The following TTC7A variants were observed in gnomAD, a reference collection of about 807,000 sequenced individuals.
The protein encoded by TTC7A is tetratricopeptide repeat protein 7A.
TTC7A carries 110 observed loss-of-function variants against 103.7 expected under a neutral mutation model. The observed-to-expected ratio is 1.06, with a 90% CI of 0.91 to 1.24. TTC7A has a LOEUF of 1.24. Among genes scored for constraint, TTC7A ranks in the 50% most tolerant of loss-of-function variants. The pLI, the probability that TTC7A is intolerant of heterozygous loss-of-function variation, is 0.00. For missense variants in TTC7A, 1,340 were observed against 1,116.3 expected (o/e 1.20, Z -2.86); for synonymous variants, 521 against 467.9 (o/e 1.11, Z -1.47).
intron 19 of TTC7A, among the ~76,000 whole-genome samples, chr2:47,073,296 C>T (rs1416611405): frequency 1.3e-5 from 2 of 152,174 alleles, no homozygotes; most frequent in Non-Finnish European, 2.9e-5. Flanking sequence ...AGCTTTACAC[C>T]TCCTGACTCC....
In TTC7A at chr2:47,073,852, T is replaced by C. The variant is rs147009003; in HGVS notation, c.2506T>C (p.Phe836Leu). 1.2e-6 allele frequency: 2 copies of C among 1,613,622 alleles called. No individual in the cohort carries two copies. The highest frequency in any genetic ancestry group is 2.7e-5 in the African/African-American group (2 of 74,922). ...CCAGAACGAGGCTGCCGTTGACTGCTTCCTCACCGCCCTTGAGCTGGAGGC... is the reference window on the plus strand; with the variant it reads ...CCAGAACGAGGCTGCCGTTGACTGCCTCCTCACCGCCCTTGAGCTGGAGGC... Reference protein sequence around the residue: ...QGQNEAAVDCFLTALELEASS... With the variant: ...QGQNEAAVDCLLTALELEASS... The change falls in exon 20 of 20, where the codon TTC becomes CTC. Residue 836 changes from phenylalanine to leucine, a missense_variant. Transcript: ENST00000319190.
At chr2:46,979,701 G>T (rs1054287956) in intron 5 of TTC7A, among the ~76,000 whole-genome samples, 3 of 152,146 alleles carry the variant, frequency 2.0e-5, no homozygotes, top group African/African-American at 4.8e-5. Context: ...AGCAAGTGTC[G>T]CTTCATGGCT....
In TTC7A at chr2:46,950,119, T is replaced by A. The variant is rs577255345; in HGVS notation, c.185-244T>A. ...TCCCCGAGTCCTGGGAACTCTGTCT[T>A]CCCAACCATTAAACTACAGCAGAAA... On this transcript the variant is annotated intron_variant, in intron 1 of 19. Coordinates refer to ENST00000319190, the MANE Select transcript of TTC7A (RefSeq NM_020458.4). Among the ~76,000 whole-genome samples, 238 of 152,336 alleles carry A rather than the reference T, an allele frequency of 1.6e-3. 1 individual carries two copies. The highest frequency in any genetic ancestry group is 5.4e-3 in the African/African-American group (226 of 41,572).
At chr2:46,928,287 A>C (rs938954400) in intron 2 of TTC7A, among the ~76,000 whole-genome samples, 1 of 151,834 alleles carries the variant, frequency 6.6e-6, no homozygotes, top group Non-Finnish European at 1.5e-5. Context: ...TAGATCAGAA[A>C]TCTAGGCAGG....
chr2:47,063,187 C>T (rs967762829), intron 19 of TTC7A, among the ~76,000 whole-genome samples: 1 of 152,202 alleles, frequency 6.6e-6, no homozygotes, highest in Non-Finnish European at 1.5e-5. Context: ...ACTTGGGGGA[C>T]TTAGGAAAAG....
chr2:46,965,237 T>G (rs893252647), intron 3 of TTC7A, among the ~76,000 whole-genome samples: 2 of 152,224 alleles, frequency 1.3e-5, no homozygotes, highest in African/African-American at 4.8e-5. Flanking sequence ...GATTAAAACT[T>G]TTTAAAAAGA....
intron 5 of TTC7A, among the ~76,000 whole-genome samples, chr2:46,984,240 A>G (rs13011673): frequency 0.17 from 26,275 of 152,228 alleles, 2,428 homozygotes; most frequent in Admixed American, 0.2. Context: ...CACAGCAGGA[A>G]TCCTGTTACT....
upstream of TTC7A, among the ~76,000 whole-genome samples, chr2:46,938,008 C>G (rs1670065765): frequency 6.6e-6 from 1 of 152,030 alleles, no homozygotes; most frequent in Non-Finnish European, 1.5e-5. Context: ...TGGAGTAGAT[C>G]TTGAAGCAGA....
intron 15 of TTC7A, among the ~76,000 whole-genome samples, chr2:47,037,331 C>CT (rs1329012802): frequency 6.6e-6 from 1 of 152,210 alleles, no homozygotes; most frequent in Non-Finnish European, 1.5e-5. Flanking sequence ...CCAGTGGACT[C>CT]TCCAGCTGCT....
chr2:46,933,099 A>C (rs1424091158), intron 2 of TTC7A, among the ~76,000 whole-genome samples: 1 of 152,190 alleles, frequency 6.6e-6, no homozygotes, highest in East Asian at 1.9e-4. Flanking sequence ...GTAGCTGGGC[A>C]GAGAACCAGC....
intron 12 of TTC7A, 35 bp downstream of exon 12, chr2:47,022,014 G>A (rs897852250): frequency 6.6e-7 from 1 of 1,521,990 alleles, no homozygotes; most frequent in Non-Finnish European, 9.1e-7. Flanking sequence ...TCTACTTGGG[G>A]ATGGCTCAGG....
chr2:47,008,988 G>T (rs959060409), intron 10 of TTC7A, among the ~76,000 whole-genome samples: 4 of 152,118 alleles, frequency 2.6e-5, no homozygotes, highest in African/African-American at 9.7e-5. Flanking sequence ...CGTGGGGGTG[G>T]GGTGGAACGG....
chr2:46,946,914 A>G (rs539753213), intron 1 of TTC7A, among the ~76,000 whole-genome samples: 6 of 152,220 alleles, frequency 3.9e-5, no homozygotes, highest in African/African-American at 1.4e-4. Context: ...GTGTCTGGCC[A>G]TGTTTGTTTA....
At chr2:47,035,089 A>C (rs764288796) in intron 15 of TTC7A, among the ~76,000 whole-genome samples, 1 of 152,122 alleles carries the variant, frequency 6.6e-6, no homozygotes, top group East Asian at 1.9e-4. Flanking sequence ...CCTTTTTTTC[A>C]GGTGGCGCTT....
chr2:46,999,405 C>T (rs1334051189), intron 8 of TTC7A: 1 of 788,444 alleles, frequency 1.3e-6, no homozygotes, highest in African/African-American at 1.9e-5. Context: ...CATCCAGCCA[C>T]CTACCAACCC....
At chr2:46,974,813 G>T (rs368647997) in intron 3 of TTC7A, 160 bp from the exon 4 acceptor site, 1 of 962,092 alleles carries the variant, frequency 1.0e-6, no homozygotes. Context: ...TAACACCACC[G>T]TCGCTTCAGC....
At chr2:46,990,049 C>G (rs1364841143) in intron 5 of TTC7A, among the ~76,000 whole-genome samples, 5 of 152,316 alleles carry the variant, frequency 3.3e-5, no homozygotes, top group Admixed American at 1.3e-4. Context: ...GGTGCCAGGA[C>G]CTGCCGGCCC....
intron 3 of TTC7A, among the ~76,000 whole-genome samples, chr2:46,971,463 G>A (rs988258797): frequency 2.0e-5 from 3 of 152,134 alleles, no homozygotes; most frequent in Non-Finnish European, 4.4e-5. Context: ...GTAAGGTGAG[G>A]GATGAGGCTG....
intron 2 of TTC7A, among the ~76,000 whole-genome samples, chr2:46,934,017 C>T (rs1669842624): frequency 6.6e-6 from 1 of 152,152 alleles, no homozygotes; most frequent in Non-Finnish European, 1.5e-5. Context: ...CCCAACTACT[C>T]ACAGCCATTG....
Sources: gnomAD v4.1 joint callset for allele counts (sites outside exome capture counted in the v4.1 genomes callset) on GRCh38, gnomAD v4.1.1 for gene constraint, MANE v1.5 for transcripts, NCBI Gene and HGNC (gene_info 2026-07-23, HGNC 2026-07-21) for gene names.